ABCA2: variants seen among roughly 807,000 people sequenced by gnomAD.
ABCA2 encodes ATP-binding cassette sub-family A member 2.
In ABCA2, 84 loss-of-function variants were observed where a neutral mutation model predicts 262.8. That is an observed-to-expected ratio of 0.32 (90% confidence interval 0.27 to 0.38). ABCA2 has a LOEUF of 0.38. Among genes scored for constraint, ABCA2 ranks in the 10% least tolerant of loss-of-function variants. The pLI is 1.00. For missense variants in ABCA2, 2,662 were observed against 3,405.9 expected, an observed-to-expected ratio of 0.78 and a Z score of 5.44; for synonymous variants, 1,696 against 1,502.9, an observed-to-expected ratio of 1.13 and a Z score of -2.97.
In ABCA2 at chr9:137,015,715, C is replaced by T. The variant is rs200420494; in HGVS notation, c.3474G>A (p.Ala1158=). ...DEPTAGVDPY[A]RRAIWDLILK... ...GGATGAGGTCCCAGATGGCGCGGCG[C>T]GCGTAGGGGTCCACGCCCGCCGTGG... Residue 1158 remains alanine, a synonymous_variant, in exon 23 of 49, where the codon GCG becomes GCA. Coordinates refer to ENST00000341511, the MANE Select transcript of ABCA2 (RefSeq NM_001606.5). 2.4e-4 allele frequency: 379 copies of T among 1,611,048 alleles called. 1 individual carries two copies. Among genetic ancestry groups the T allele is most frequent in the East Asian group, 2.2e-3 (99 of 44,826 alleles).
rs533773591 is a variant in ABCA2 at position 137,011,169 on chromosome 9, C to A, written c.5923+17G>T. On this transcript the variant is annotated intron_variant, in intron 38 of 48. Coordinates refer to ENST00000341511, the MANE Select transcript of ABCA2 (RefSeq NM_001606.5). The surrounding 1 kb of genome is among the most constrained non-coding windows in gnomAD (Gnocchi z 8.8). The stretch of plus-strand genomic sequence containing the variant: ...GCGGGGCCCCCACCGCCTTCCCCGC[C>A]CCACGGGCCCCCTCACCAATCTTGG... 34 of 1,612,430 alleles carry A rather than the reference C, an allele frequency of 2.1e-5. No homozygotes were observed. The South Asian group carries it at 3.1e-4, about 15-fold the overall frequency.
upstream of ABCA2, chr9:137,028,838 G>A (rs1831759467): frequency 7.6e-7 from 1 of 1,317,250 alleles, no homozygotes; most frequent in Non-Finnish European, 1.0e-6. The surrounding 1 kb of genome is among the most constrained non-coding windows in gnomAD (Gnocchi z 6.9). Flanking sequence ...GGACCGAGGC[G>A]GCCCCTGCTG....
chr9:137,018,303 T>G lies in ABCA2; in HGVS notation c.1868A>C (p.His623Pro), dbSNP rs1349369734. 6.3e-7 allele frequency: 1 copy of G among 1,597,086 alleles called. No homozygotes were observed. Among genetic ancestry groups the G allele is most frequent in the Non-Finnish European group, 8.5e-7 (1 of 1,174,802 alleles). Residue 623 changes from histidine to proline, a missense_variant, in exon 14 of 49, where the codon CAC (histidine) becomes CCC (proline). Physicochemically the swap from His to Pro is moderately conservative, Grantham distance 77. Transcript: ENST00000341511. ...GCTGGAGTTCTGGCGGATCTTGTAG[T>G]GCACGTGAGGCGGGAGCGAGCCGTC... ...RKDGSLPPHV[H>P]YKIRQNSSFT...
rs771335514 is a variant in ABCA2 at position 137,010,067 on chromosome 9, G to A, written c.6411C>T (p.Asp2137=). 1.4e-5 allele frequency: 22 copies of A among 1,600,624 alleles called. No individual in the cohort carries two copies. The highest frequency in any genetic ancestry group is 4.4e-5 in the South Asian group (4 of 90,080). ...QQSLGYCPQC[D]ALFDELTARE... Reference sequence around the variant, plus strand: ...GGGCCGTGAGCTCGTCGAACAGCGCGTCACACTGCGGGCAGTAGCCGAGGC... The same window carrying A: ...GGGCCGTGAGCTCGTCGAACAGCGCATCACACTGCGGGCAGTAGCCGAGGC... Residue 2137 remains aspartate, a synonymous_variant, in exon 42 of 49, where the codon GAC becomes GAT. Coordinates refer to ENST00000341511, the MANE Select transcript of ABCA2 (RefSeq NM_001606.5).
At chr9:137,027,083 G>A (rs1486903772) in intron 1 of ABCA2, among the ~76,000 whole-genome samples, 3 of 152,234 alleles carry the variant, frequency 2.0e-5, no homozygotes, top group Non-Finnish European at 2.9e-5. Flanking sequence ...GGTCCCGCCC[G>A]GGCCCTGGCT....
chr9:137,010,656 G>C lies in ABCA2; in HGVS notation c.6138C>G (p.Ala2046=), dbSNP rs749999145. Residue 2046 remains alanine (A), a synonymous_variant, in exon 40 of 49, where the codon GCC becomes GCG. Transcript: ENST00000341511. The part of the protein sequence containing the change: ...SERQRVLRGD[A]DNDMVKIENL... ...TCTCAATCTTGACCATGTCATTGTC[G>C]GCGTCTCCCCGGAGCACTCGCTGCC... The C allele has an allele frequency of 1.2e-6, 2 of 1,608,566 alleles. No individual in the cohort carries two copies. The highest frequency in any genetic ancestry group is 1.7e-5 in the Admixed American group (1 of 59,384).
rs867469686 is a variant in ABCA2, at chr9:137,020,483, G to A, written c.1278C>T (p.Pro426=). ...TCATGTTGCCCCGCCGCAGCGCCTC[G>A]GGTTCAATGGTGCTGGGGTAGGGGA... ...ILCGNNRTIE[P]EALRRGNMSS... is the part of the protein sequence containing the mutation. The change falls in exon 10 of 49, where the codon CCC becomes CCT. Residue 426 remains proline, a synonymous_variant. Transcript: ENST00000341511. 11 of 1,598,400 alleles carry A rather than the reference G, an allele frequency of 6.9e-6. No individual in the cohort carries two copies. Among genetic ancestry groups the A allele is most frequent in the Admixed American group, 1.7e-5 (1 of 59,442 alleles).
intron 2 of ABCA2, 148 bp downstream of exon 2, chr9:137,023,995 G>A: frequency 6.5e-7 from 1 of 1,532,688 alleles, no homozygotes. Flanking sequence ...CCAGCCAGGA[G>A]GCACGGCCCA....
rs770013768 is a variant in ABCA2 at position 137,014,921 on chromosome 9, G to A, written c.3874C>T (p.Leu1292Phe). 3.8e-5 allele frequency: 59 copies of A among 1,569,924 alleles called. No individual in the cohort carries two copies. Among genetic ancestry groups the A allele is most frequent in the Non-Finnish European group, 4.7e-5 (54 of 1,154,986 alleles). ...EAAKKGAFER[L>F]FQHLERSLDA... The stretch of plus-strand genomic sequence containing the variant: ...CCCGTGCGCCCTCACACCTGGAAGA[G>A]GCGCTCGAAAGCCCCCTTCTTGGCG... The change falls in exon 25 of 49, where the codon CTC becomes TTC. Residue 1292 changes from leucine (L) to phenylalanine (F), a missense_variant. This residue lies in a region of ABCA2 where 297 missense variants were observed against 286.5 expected (regional missense o/e 1.04). Transcript: ENST00000341511.
At position 137,021,734 on chromosome 9, in the gene ABCA2, C is replaced by T; in HGVS notation, c.679-124G>A. The T allele has an allele frequency of 1.6e-6, 2 of 1,238,566 alleles. No homozygotes were observed. The highest frequency in any genetic ancestry group is 2.3e-6 in the Non-Finnish European group (2 of 884,680). 76.7% of individuals were successfully genotyped at this position (1,238,566 alleles called of 1,614,324 possible). A position where few individuals can be genotyped will look rare whatever the true frequency, so the allele number is the denominator to read the frequency against. ...GGGGCTGCCTGGGTCCCACGACATG[C>T]CTCTACCCCTCATGCCTGCCATAGA... On this transcript the variant is annotated intron_variant, in intron 7 of 48. Transcript: ENST00000341511. This position sits in a 1 kb window ranked among gnomAD's most constrained non-coding sequence, Gnocchi z 6.0.
intron 26 of ABCA2, 127 bp from the exon 27 acceptor site, chr9:137,014,531 G>A (rs1395807481): frequency 2.1e-6 from 3 of 1,448,090 alleles, no homozygotes; most frequent in Admixed American, 2.2e-5. Context: ...CTGGCCACCA[G>A]GACCACCCAC....
chr9:137,012,513 C>T lies in ABCA2; in HGVS notation c.5159G>A (p.Arg1720Gln), dbSNP rs770627578. ...GGCAGCCCTGCGCACCGCGATCTTC[C>T]GCACCATGGGTGGGGCCCTGGTGCC... ...SFGTRAPPMVRKIAVRRAAQV... is the reference protein window; with the variant it reads ...SFGTRAPPMVQKIAVRRAAQV... Residue 1720 changes from arginine to glutamine, a missense_variant, in exon 32 of 49, where the codon CGG becomes CAG. Coordinates refer to ENST00000341511, the MANE Select transcript of ABCA2 (RefSeq NM_001606.5). 8 of 1,611,708 alleles carry T rather than the reference C, an allele frequency of 5.0e-6. No homozygotes were observed. The highest frequency in any genetic ancestry group is 1.3e-5 in the African/African-American group (1 of 74,908).
At chr9:137,010,501 G>A in intron 40 of ABCA2, 119 bp downstream of exon 40, 2 of 1,329,748 alleles carry the variant, frequency 1.5e-6, no homozygotes, top group Non-Finnish European at 2.0e-6. Context: ...ACCCCATGCA[G>A]GCCCCACCCC....
rs77943336 is a variant in ABCA2 at position 137,016,111 on chromosome 9, G to A, written c.3168C>T (p.Ile1056=). The A allele has an allele frequency of 5.5e-4, 887 of 1,612,882 alleles. 5 individuals are homozygous for A. In the African/African-American group the frequency reaches 0.01, roughly 18 times the overall value. ...TGCGGATCTCATCCATCTCCGTGCG[G>A]ATGTCGTGCCCGTAGATGGTGGCGG... ...SGSATIYGHD[I]RTEMDEIRKN... is the part of the protein sequence containing the mutation. Residue 1056 remains isoleucine, a synonymous_variant, in exon 22 of 49, where the codon ATC becomes ATT. Transcript: ENST00000341511.
In ABCA2 at chr9:137,020,743, A is replaced by C. The variant is rs1831421196; in HGVS notation, c.1216T>G (p.Phe406Val). 1 of 1,602,208 alleles carries C rather than the reference A, an allele frequency of 6.2e-7. No individual in the cohort carries two copies. The highest frequency in any genetic ancestry group is 1.3e-5 in the African/African-American group (1 of 74,904). Residue 406 changes from phenylalanine to valine, a missense_variant, in exon 9 of 49, where the codon TTC becomes GTC. This residue lies in a region of ABCA2 where 92 missense variants were observed against 146.7 expected (regional missense o/e 0.63). Coordinates refer to ENST00000341511, the MANE Select transcript of ABCA2 (RefSeq NM_001606.5). Reference protein sequence around the residue: ...PDTLQGQCSAFVQLWAGLQPI... With the variant: ...PDTLQGQCSAVVQLWAGLQPI... The stretch of plus-strand genomic sequence containing the variant: ...TGCAGGCCGGCCCAGAGCTGTACGA[A>C]GGCTGAGCACTGGCCCTGCAGCGTG...
Position 137,020,470 on chromosome 9 carries a change from G to A in ABCA2, c.1291C>T (p.Arg431Trp), listed in dbSNP as rs1040402612. Residue 431 changes from arginine (R) to tryptophan (W), a missense_variant, in exon 10 of 49, where the codon CGG (arginine) becomes TGG (tryptophan). Physicochemically the swap from Arg to Trp is moderately radical, Grantham distance 101 (BLOSUM62 -3). This residue lies in a region of ABCA2 where 92 missense variants were observed against 146.7 expected (regional missense o/e 0.63). Coordinates refer to ENST00000341511, the MANE Select transcript of ABCA2 (RefSeq NM_001606.5). ...AAGCCCAGGGAGCTCATGTTGCCCC[G>A]CCGCAGCGCCTCGGGTTCAATGGTG... ...NRTIEPEALR[R>W]GNMSSLGFTS... 6.2e-7 allele frequency: 1 copy of A among 1,605,084 alleles called. No individual in the cohort carries two copies. The highest frequency in any genetic ancestry group is 8.5e-7 in the Non-Finnish European group (1 of 1,175,880).
In ABCA2 at chr9:137,018,897, G is replaced by T. The variant is rs745322114; in HGVS notation, c.1722+6C>A. The T allele has an allele frequency of 1.9e-6, 3 of 1,612,024 alleles. No individual in the cohort carries two copies. Among genetic ancestry groups the T allele is most frequent in the Non-Finnish European group, 8.5e-7 (1 of 1,179,420 alleles). Reference sequence around the variant, plus strand: ...CGTGGGTTGGCTCGGAGGCCCCACCGCTCACCTTGGACATGAACTGGATCC... The same window carrying T: ...CGTGGGTTGGCTCGGAGGCCCCACCTCTCACCTTGGACATGAACTGGATCC... On this transcript the variant is annotated splice_donor_region_variant and intron_variant, in intron 12 of 48. Transcript: ENST00000341511.
intron 6 of ABCA2, 58 bp from the exon 7 acceptor site, chr9:137,022,059 G>A (rs1419265474): frequency 3.3e-6 from 4 of 1,209,452 alleles, no homozygotes; most frequent in Non-Finnish European, 4.7e-6. Flanking sequence ...TCAGATGGTG[G>A]GGGCGTGGCT....
At position 137,023,688 on chromosome 9, in the gene ABCA2, C is replaced by T. The variant is rs564108504; in HGVS notation, c.163+150G>A. 2.0e-5 allele frequency: 14 copies of T among 689,680 alleles called. No individual in the cohort carries two copies. In the East Asian group the frequency reaches 3.8e-4, roughly 19 times the overall value. 42.7% of individuals were successfully genotyped at this position (689,680 alleles called of 1,614,324 possible). ...CCACCTCCCACTTCACTGCCTGCCACCCCCCATCTGGAGCCAGCTGTTCCT... is the reference window on the plus strand; with the variant it reads ...CCACCTCCCACTTCACTGCCTGCCATCCCCCATCTGGAGCCAGCTGTTCCT... On this transcript the variant is annotated intron_variant, in intron 3 of 48. Coordinates refer to ENST00000341511, the MANE Select transcript of ABCA2 (RefSeq NM_001606.5).
Sources: allele counts gnomAD v4.1 joint callset (sites outside exome capture counted in the v4.1 genomes callset), GRCh38; gene constraint gnomAD v4.1.1; regional missense constraint gnomAD v4.1.1; non-coding constraint Gnocchi (gnomAD v3.1); transcripts MANE v1.5; gene names NCBI Gene and HGNC (gene_info 2026-07-23, HGNC 2026-07-21).